The following MARCHF2 variants were observed in gnomAD, a reference collection of about 807,000 sequenced individuals.
The protein encoded by MARCHF2 is E3 ubiquitin-protein ligase MARCHF2.
Under a neutral mutation model 24.0 loss-of-function variants are expected in MARCHF2, and 22 were observed. The ratio of observed to expected loss-of-function variants is 0.92; its 90% CI spans 0.66 to 1.31. The LOEUF is 1.31. Among genes scored for constraint, MARCHF2 ranks in the 50% most tolerant of loss-of-function variants. The probability of loss-of-function intolerance (pLI) is 0.00; values close to 1 mark genes in which losing one functional copy is unlikely to be tolerated. For synonymous variants in MARCHF2, 154 were observed against 153.0 expected (o/e 1.01, Z -0.05); for missense variants, 301 against 335.3 (o/e 0.90, Z 0.80).
rs368543175 is a variant in MARCHF2, at chr19:8,430,672, G to A, written c.387G>A (p.Pro129=). The A allele has an allele frequency of 3.6e-4, 585 of 1,608,470 alleles. 2 individuals carry two copies. The South Asian group carries it at 4.4e-3, about 12-fold the overall frequency. ...CTCCCCTGCAGTGGCTGAAGGACCCGGGGCCGCGGACGGAGAAGCGGACAC... is the reference window on the plus strand; with the variant it reads ...CTCCCCTGCAGTGGCTGAAGGACCCAGGGCCGCGGACGGAGAAGCGGACAC... The part of the protein sequence containing the change: ...PRPLTEWLKD[P]GPRTEKRTLC... The change falls in exon 4 of 5, where the codon CCG becomes CCA. Residue 129 remains proline, a synonymous_variant. Transcript: ENST00000215555. The surrounding 1 kb of genome is among the most constrained non-coding windows in gnomAD (Gnocchi z 4.4).
chr19:8,423,674 C>G (rs10411072), intron 2 of MARCHF2: 1 of 151,702 alleles, frequency 6.6e-6, no homozygotes, highest in Non-Finnish European at 1.5e-5. Context: ...AACTCCACCC[C>G]GCAGCATGAG....
intron 4 of MARCHF2, among the ~76,000 whole-genome samples, chr19:8,437,065 A>G (rs1464238384): frequency 6.7e-6 from 1 of 149,832 alleles, no homozygotes; most frequent in East Asian, 2.0e-4. Flanking sequence ...CTGCAGCGTC[A>G]ACCTCCAGGG....
At chr19:8,417,748 CTTTTTTTTTTTTTTTTTT>C (rs71175853) in intron 1 of MARCHF2, among the ~76,000 whole-genome samples, 5 of 26,870 alleles carry the variant, frequency 1.9e-4, no homozygotes, top group Non-Finnish European at 3.2e-4. Flanking sequence ...AATACCCTGT[CTTTTTTTTTTTTTTTTTT>C]TTTTTTTTTT....
At chr19:8,433,922 G>A (rs1967646344) in intron 4 of MARCHF2, among the ~76,000 whole-genome samples, 1 of 145,424 alleles carries the variant, frequency 6.9e-6, no homozygotes, top group Admixed American at 6.7e-5. Flanking sequence ...CAGAATGATG[G>A]GGGTGTGAGG....
intron 1 of MARCHF2, among the ~76,000 whole-genome samples, chr19:8,414,736 G>A (rs568873063): frequency 1.3e-5 from 2 of 152,070 alleles, no homozygotes; most frequent in Non-Finnish European, 2.9e-5. Flanking sequence ...AGACTGGGGG[G>A]CCTCAGTGCC....
chr19:8,418,616 C>G (rs1156817911), intron 1 of MARCHF2: 1 of 152,274 alleles, frequency 6.6e-6, no homozygotes, highest in South Asian at 2.1e-4. Flanking sequence ...CCTTGAACTC[C>G]TGGGCTCAAG....
chr19:8,426,230 CAAAAAAAAA>C (rs71175854), intron 2 of MARCHF2, among the ~76,000 whole-genome samples: 1 of 43,296 alleles, frequency 2.3e-5, no homozygotes, highest in African/African-American at 7.2e-5. Context: ...GACTCTGTCT[CAAAAAAAAA>C]AAAAAAAAAA....
At chr19:8,428,992 G>A (rs1244910715) in intron 3 of MARCHF2, among the ~76,000 whole-genome samples, 3 of 141,866 alleles carry the variant, frequency 2.1e-5, no homozygotes, top group East Asian at 1.9e-4. Context: ...GAGCCAGAGT[G>A]TAGGGAGAAA....
chr19:8,415,743 ACAAAAAAAAAAAC>A (rs1568233695), intron 1 of MARCHF2, among the ~76,000 whole-genome samples: 1,869 of 54,326 alleles, frequency 0.034, 60 homozygotes, highest in Non-Finnish European at 0.07. Context: ...AACAAAAAAA[ACAAAAAAAAAAAC>A]CAGACAAAAG....
At chr19:8,427,230 G>T (rs575182285) in intron 3 of MARCHF2, among the ~76,000 whole-genome samples, 2 of 152,080 alleles carry the variant, frequency 1.3e-5, no homozygotes, top group Non-Finnish European at 2.9e-5. Flanking sequence ...TGTATTTTTA[G>T]TAGAGATGCG....
At chr19:8,424,113 CAG>C (rs1967330756) in intron 2 of MARCHF2, among the ~76,000 whole-genome samples, 1 of 152,198 alleles carries the variant, frequency 6.6e-6, no homozygotes, top group East Asian at 1.9e-4. Flanking sequence ...GTTTGGGAAA[CAG>C]TGACTCATGG....
chr19:8,416,942 C>G (rs1336334326), intron 1 of MARCHF2, among the ~76,000 whole-genome samples: 1 of 152,118 alleles, frequency 6.6e-6, no homozygotes, highest in African/African-American at 2.4e-5. Flanking sequence ...GTTTCGAGTT[C>G]AGTGAGATGA....
At chr19:8,413,458 G>A (rs2145523969) in intron 1 of MARCHF2, 38 bp downstream of exon 1, 1 of 152,152 alleles carries the variant, frequency 6.6e-6, no homozygotes, top group South Asian at 2.1e-4. Context: ...GAGGACGCCA[G>A]TCCGCGGGCC....
At chr19:8,414,468 C>T (rs1486827000) in intron 1 of MARCHF2, among the ~76,000 whole-genome samples, 3 of 152,258 alleles carry the variant, frequency 2.0e-5, no homozygotes, top group Middle Eastern at 3.4e-3. Context: ...GGGGTTTCAC[C>T]ATGTTGACCA....
At chr19:8,425,683 C>T (rs542669408) in intron 2 of MARCHF2, among the ~76,000 whole-genome samples, 3 of 150,684 alleles carry the variant, frequency 2.0e-5, no homozygotes, top group Non-Finnish European at 3.0e-5. Flanking sequence ...GTGGTGTAAT[C>T]TCGGCTCACT....
intron 4 of MARCHF2, among the ~76,000 whole-genome samples, chr19:8,437,924 T>C (rs1158099691): frequency 1.3e-5 from 2 of 151,928 alleles, no homozygotes; most frequent in African/African-American, 4.8e-5. Flanking sequence ...TTTGTATTTT[T>C]AGTAGAGACG....
Position 8,433,250 on chromosome 19 carries a change from G to GA in MARCHF2, c.582+2393dup, listed in dbSNP as rs202043558. ...ATAATAATATTAATAAAAGAAAAAG[G>GA]AAAAAAAAAAGGCTGGGTGCAGTGG... On this transcript the variant is annotated intron_variant, in intron 4 of 4. Coordinates refer to ENST00000215555, the MANE Select transcript of MARCHF2 (RefSeq NM_001005415.2). 4.9e-4 allele frequency among the ~76,000 whole-genome samples: 66 copies of GA among 135,764 alleles called. 3 individuals are homozygous for GA. The East Asian group carries it at 6.8e-3, about 14-fold the overall frequency. The allele number at this position is 135,764 out of a possible 152,430, so 89.1% of individuals were successfully genotyped here. A position where few individuals can be genotyped will look rare whatever the true frequency, so the allele number is the denominator to read the frequency against.
intron 1 of MARCHF2, among the ~76,000 whole-genome samples, chr19:8,419,284 A>G (rs1348049873): frequency 2.0e-5 from 3 of 151,710 alleles, no homozygotes; most frequent in Admixed American, 6.6e-5. Context: ...TCACAAGGTC[A>G]AGAGATCAAA....
chr19:8,437,347 CTATTTT>C (rs749472097), intron 4 of MARCHF2, among the ~76,000 whole-genome samples: 1 of 113,946 alleles, frequency 8.8e-6, no homozygotes, highest in Non-Finnish European at 1.8e-5. Flanking sequence ...ATTCATTCAC[CTATTTT>C]TTTTTTTTTT....
Sources: gnomAD v4.1 joint callset for allele counts (sites outside exome capture counted in the v4.1 genomes callset) on GRCh38, gnomAD v4.1.1 for gene constraint, Gnocchi (gnomAD v3.1) non-coding constraint, MANE v1.5 for transcripts, NCBI Gene and HGNC (gene_info 2026-07-23, HGNC 2026-07-21) for gene names.